MANEA: variants seen among roughly 807,000 people sequenced by gnomAD.
MANEA encodes the protein mannosidase endo-alpha.
MANEA carries 25 observed loss-of-function variants against 36.8 expected under a neutral mutation model. The observed-to-expected ratio is 0.68, with a 90% confidence interval of 0.50 to 0.95. The LOEUF (loss-of-function observed/expected upper bound fraction) is 0.95. MANEA is among the 40% of genes least tolerant of loss of function. The pLI, the probability that MANEA is intolerant of heterozygous loss-of-function variation, is 0.00. For synonymous variants in MANEA, 198 were observed against 188.5 expected, an observed-to-expected ratio of 1.05 and a Z score of -0.41; for missense variants, 565 against 558.8, an observed-to-expected ratio of 1.01 and a Z score of -0.11.
chr6:95,599,848 A>G (rs901460966), intron 3 of MANEA, among the ~76,000 whole-genome samples: 1 of 152,204 alleles, frequency 6.6e-6, no homozygotes, highest in Non-Finnish European at 1.5e-5. Flanking sequence ...GTCACCTGCC[A>G]TGTCCCTTGG....
At chr6:95,585,008 A>G (rs1043125463) in intron 1 of MANEA, among the ~76,000 whole-genome samples, 16 of 152,196 alleles carry the variant, frequency 1.1e-4, no homozygotes, top group Admixed American at 5.9e-4. Context: ...GCACCGTATC[A>G]TAGAACTCAT....
At chr6:95,602,819 G>C (rs572814641) in intron 3 of MANEA, among the ~76,000 whole-genome samples, 151 of 150,884 alleles carry the variant, frequency 1.0e-3, no homozygotes, top group African/African-American at 3.4e-3. Context: ...AGGAGATCGA[G>C]ACCATCCTGG....
chr6:95,591,295 G>T (rs1408350518), intron 2 of MANEA, among the ~76,000 whole-genome samples: 1 of 151,918 alleles, frequency 6.6e-6, no homozygotes, highest in Non-Finnish European at 1.5e-5. Context: ...AATTTTGTTT[G>T]TAGCCTTTAT....
chr6:95,601,545 CA>C (rs1769589552), intron 3 of MANEA, among the ~76,000 whole-genome samples: 1 of 152,018 alleles, frequency 6.6e-6, no homozygotes, highest in Non-Finnish European at 1.5e-5. Flanking sequence ...TGATTTGAAC[CA>C]GCCTGGAGCA....
rs529053141 is a variant in MANEA, at chr6:95,600,758, C to CT, written c.654+3918dup. 4.7e-4 allele frequency among the ~76,000 whole-genome samples: 71 copies of CT among 152,244 alleles called. No individual in the cohort carries two copies. In the East Asian group the frequency reaches 8.3e-3, roughly 18 times the overall value. The stretch of plus-strand genomic sequence containing the variant: ...TAAAATGCGTTCATTAGTAACATCT[C>CT]TTTTTTCTTGCTAGTCTTCAAAGCA... On this transcript the variant is annotated intron_variant, in intron 3 of 4. Coordinates refer to ENST00000358812, the MANE Select transcript of MANEA (RefSeq NM_024641.4).
At chr6:95,604,418 A>G (rs1351212659) in intron 3 of MANEA, among the ~76,000 whole-genome samples, 5 of 151,970 alleles carry the variant, frequency 3.3e-5, no homozygotes, top group African/African-American at 1.2e-4. Context: ...GGATACAAAT[A>G]TGTAAGAAAC....
At chr6:95,580,050 C>G (rs938282487) in intron 1 of MANEA, among the ~76,000 whole-genome samples, 7 of 152,130 alleles carry the variant, frequency 4.6e-5, no homozygotes, top group African/African-American at 1.7e-4. Context: ...TTTTAGGCAT[C>G]TCAAGGGTCA....
chr6:95,597,065 T>A (rs975138835), intron 3 of MANEA, among the ~76,000 whole-genome samples: 6 of 152,010 alleles, frequency 3.9e-5, no homozygotes, highest in African/African-American at 1.4e-4. Context: ...TTTATTTTTT[T>A]ATAGTAGAAA....
rs79769345 is a variant in MANEA, at chr6:95,581,994, A to G, written c.-39+4356A>G. Among the ~76,000 whole-genome samples, 391 of 152,104 alleles carry G rather than the reference A, an allele frequency of 2.6e-3. 3 individuals carry two copies. Among genetic ancestry groups the G allele is most frequent in the African/African-American group, 9.1e-3 (376 of 41,512 alleles). On this transcript the variant is annotated intron_variant, in intron 1 of 4. Coordinates refer to ENST00000358812, the MANE Select transcript of MANEA (RefSeq NM_024641.4). ...ATTTCCTTCTATGTGTATCTTTAAT[A>G]CAGATATGATATTATATATCATAGT...
chr6:95,600,201 C>T (rs1212850840), intron 3 of MANEA, among the ~76,000 whole-genome samples: 1 of 152,160 alleles, frequency 6.6e-6, no homozygotes, highest in Non-Finnish European at 1.5e-5. Flanking sequence ...CATACTTGAT[C>T]TCTCTGTGCT....
At chr6:95,577,894 C>G (rs999972827) in intron 1 of MANEA, among the ~76,000 whole-genome samples, 9 of 152,258 alleles carry the variant, frequency 5.9e-5, no homozygotes, top group Non-Finnish European at 1.2e-4. Context: ...GCCTTTTACA[C>G]TGCTTTATCC....
intron 3 of MANEA, among the ~76,000 whole-genome samples, chr6:95,598,948 C>T (rs1769536111): frequency 6.6e-6 from 1 of 152,064 alleles, no homozygotes; most frequent in Admixed American, 6.6e-5. Context: ...CCTGGCTCAA[C>T]CACCTTGTAG....
In MANEA at chr6:95,593,672, T is replaced by C. The variant is rs566029726; in HGVS notation, c.545-3065T>C. Among the ~76,000 whole-genome samples, 5 of 152,274 alleles carry C rather than the reference T, an allele frequency of 3.3e-5. No individual in the cohort carries two copies. In the East Asian group the frequency reaches 9.7e-4, roughly 29 times the overall value. On this transcript the variant is annotated intron_variant, in intron 2 of 4. Coordinates refer to ENST00000358812, the MANE Select transcript of MANEA (RefSeq NM_024641.4). ...ATTTATATGGTAGATATGGGTATTA[T>C]TTTGGAGAGCATAGGACTAGAATGT...
rs1182318926 is a variant in MANEA at position 95,606,224 on chromosome 6, A to T, written c.1208A>T (p.Asn403Ile). ...AGCTTAATTTCTATCACCTCTTTTAATGAGTGGCATGAAGGAACTCAGATT... is the reference window on the plus strand; with the variant it reads ...AGCTTAATTTCTATCACCTCTTTTATTGAGTGGCATGAAGGAACTCAGATT... ...RPSLISITSF[N>I]EWHEGTQIEK... The change falls in exon 5 of 5, where the codon AAT becomes ATT. Residue 403 changes from asparagine to isoleucine, a missense_variant. Coordinates refer to ENST00000358812, the MANE Select transcript of MANEA (RefSeq NM_024641.4). The T allele has an allele frequency of 6.2e-7, 1 of 1,614,014 alleles. No homozygotes were observed. Among genetic ancestry groups the T allele is most frequent in the South Asian group, 1.1e-5 (1 of 91,084 alleles).
In MANEA at chr6:95,586,593, A is replaced by T. The variant is rs372181412; in HGVS notation, c.154A>T (p.Thr52Ser). 7 of 1,614,072 alleles carry T rather than the reference A, an allele frequency of 4.3e-6. No homozygotes were observed. Among genetic ancestry groups the T allele is most frequent in the Non-Finnish European group, 5.9e-6 (7 of 1,179,994 alleles). ...CCTTCTTCCAGAACTTCATCAACGA[A>T]CTATTCATTTGGGGAAAAATTTTGA... is the stretch of plus-strand genomic sequence containing the variant. ...LDLLPELHQR[T>S]IHLGKNFDFQ... is the part of the protein sequence containing the mutation. The change falls in exon 2 of 5, where the codon ACT becomes TCT. Residue 52 changes from threonine to serine, a missense_variant. Coordinates refer to ENST00000358812, the MANE Select transcript of MANEA (RefSeq NM_024641.4).
At chr6:95,600,169 A>G (rs1769561643) in intron 3 of MANEA, among the ~76,000 whole-genome samples, 1 of 152,116 alleles carries the variant, frequency 6.6e-6, no homozygotes, top group African/African-American at 2.4e-5. Flanking sequence ...TCGACCACTA[A>G]TTGCCTATTT....
rs1277389393 is a variant in MANEA at position 95,606,458 on chromosome 6, C to T, written c.*53C>T. 4.4e-6 allele frequency: 6 copies of T among 1,377,980 alleles called. No individual in the cohort carries two copies. Among genetic ancestry groups the T allele is most frequent in the Non-Finnish European group, 5.9e-6 (6 of 1,025,368 alleles). 85.4% of individuals were successfully genotyped at this position (1,377,980 alleles called of 1,614,324 possible). On this transcript the variant is annotated 3_prime_UTR_variant, in exon 5 of 5. Transcript: ENST00000358812. The stretch of plus-strand genomic sequence containing the variant: ...AAAATCACCTAATTTTTAAAAATAG[C>T]TTTCGTTTTGAGTTCTGGAAAGAAA...
chr6:95,581,021 C>T lies in MANEA; in HGVS notation c.-39+3383C>T, dbSNP rs557319051. 2.6e-5 allele frequency among the ~76,000 whole-genome samples: 4 copies of T among 152,154 alleles called. No individual in the cohort carries two copies. The East Asian group carries it at 7.7e-4, about 29-fold the overall frequency. On this transcript the variant is annotated intron_variant, in intron 1 of 4. Transcript: ENST00000358812. ...AAGCCACATGATTTTGAGAGTTTTA[C>T]AATATTAACTAATTTCATCCTCACA...
intron 2 of MANEA, among the ~76,000 whole-genome samples, chr6:95,595,617 C>T (rs1769468165): frequency 6.6e-6 from 1 of 152,052 alleles, no homozygotes; most frequent in South Asian, 2.1e-4. Context: ...TCTTTTGGTA[C>T]CATTATTATT....
Sources: gnomAD v4.1 joint callset for allele counts (sites outside exome capture counted in the v4.1 genomes callset) on GRCh38, gnomAD v4.1.1 for gene constraint, MANE v1.5 for transcripts, NCBI Gene and HGNC (gene_info 2026-07-23, HGNC 2026-07-21) for gene names.